POU6F2: variants seen among roughly 807,000 people sequenced by gnomAD.
POU6F2 encodes POU domain, class 6, transcription factor 2.
POU6F2 carries 31 observed loss-of-function variants against 71.3 expected under a neutral mutation model. The observed-to-expected ratio is 0.43, with a 90% confidence interval of 0.33 to 0.59. The LOEUF is 0.59. Ranked by LOEUF, POU6F2 falls within the 20% of genes least tolerant of loss-of-function variation. The pLI is 0.04. For missense variants in POU6F2, 783 were observed against 856.8 expected (o/e 0.91, Z 1.07); for synonymous variants, 347 against 355.7 (o/e 0.98, Z 0.27).
chr7:39,155,585 C>T (rs1193188316), intron 2 of POU6F2, among the ~76,000 whole-genome samples: 2 of 152,154 alleles, frequency 1.3e-5, no homozygotes, highest in Non-Finnish European at 2.9e-5. Flanking sequence ...AGCAAATCTA[C>T]ATCAAATGTA....
At chr7:39,442,810 A>G (rs1788435543) in intron 7 of POU6F2, among the ~76,000 whole-genome samples, 1 of 152,206 alleles carries the variant, frequency 6.6e-6, no homozygotes, top group South Asian at 2.1e-4. Context: ...ATTGCCAAAA[A>G]GGTGATGAAT....
chr7:38,994,570 G>T (rs933123257), intron 1 of POU6F2, among the ~76,000 whole-genome samples: 13 of 152,152 alleles, frequency 8.5e-5, no homozygotes, highest in Non-Finnish European at 1.6e-4. Flanking sequence ...CCCGTGACAG[G>T]GTTGGTGAGC....
At chr7:38,995,838 A>T (rs1235799994) in intron 1 of POU6F2, among the ~76,000 whole-genome samples, 1 of 152,106 alleles carries the variant, frequency 6.6e-6, no homozygotes, top group Non-Finnish European at 1.5e-5. Flanking sequence ...ACAGTGCTTG[A>T]CTCACAGAAA....
chr7:39,112,220 A>G (rs1407987062), intron 2 of POU6F2, among the ~76,000 whole-genome samples: 1 of 152,106 alleles, frequency 6.6e-6, no homozygotes, highest in Non-Finnish European at 1.5e-5. Context: ...TTGGTTCAGA[A>G]ATTTAAGGAC....
intron 4 of POU6F2, among the ~76,000 whole-genome samples, chr7:39,294,478 T>C (rs1217350109): frequency 6.6e-6 from 1 of 151,746 alleles, no homozygotes; most frequent in Non-Finnish European, 1.5e-5. Context: ...AACATGCTAC[T>C]GTTTCCTCTG....
chr7:39,320,892 C>A (rs192573395), intron 4 of POU6F2, among the ~76,000 whole-genome samples: 137 of 151,948 alleles, frequency 9.0e-4, no homozygotes, highest in Non-Finnish European at 1.5e-3. Context: ...CCATCTCAAC[C>A]AAAAATTTAA....
intron 2 of POU6F2, among the ~76,000 whole-genome samples, chr7:39,108,234 T>G (rs1562709014): frequency 6.6e-6 from 1 of 152,062 alleles, no homozygotes; most frequent in Non-Finnish European, 1.5e-5. Context: ...ATGCAGTTGT[T>G]GGGAGGAGGG....
At chr7:39,412,021 C>T (rs956556806) in intron 6 of POU6F2, among the ~76,000 whole-genome samples, 4 of 152,184 alleles carry the variant, frequency 2.6e-5, no homozygotes, top group African/African-American at 9.7e-5. Flanking sequence ...AGACAAATAA[C>T]ATCTCCAGAG....
rs1175447526 is a variant in POU6F2, at chr7:39,240,559, A to G, written c.598+32939A>G. 1.2e-4 allele frequency among the ~76,000 whole-genome samples: 19 copies of G among 152,144 alleles called. 1 individual carries two copies. Among genetic ancestry groups the G allele is most frequent in the Admixed American group, 1.2e-3 (19 of 15,254 alleles). ...TACCAATCAACTCAAACTCCTGCAT[A>G]AGACCGGAGGAATCTACAGAATGAG... On this transcript the variant is annotated intron_variant, in intron 4 of 9. Transcript: ENST00000518318.
intron 5 of POU6F2, among the ~76,000 whole-genome samples, chr7:39,370,781 A>G (rs772571745): frequency 2.6e-5 from 4 of 152,202 alleles, no homozygotes; most frequent in Non-Finnish European, 4.4e-5. Context: ...GACCTTTCCC[A>G]AGCAAAAGGG....
Position 39,013,136 on chromosome 7 carries a change from G to A in POU6F2, c.105+35078G>A, listed in dbSNP as rs1267767914. On this transcript the variant is annotated intron_variant, in intron 1 of 9. Coordinates refer to ENST00000518318, the MANE Select transcript of POU6F2 (RefSeq NM_001370959.1). ...GCGCCCCTCCCCCAGCCTCGCTGCC[G>A]CCTTGCAGTTTGATCTCAGACTGCT... 119 of 154,856 alleles carry A rather than the reference G, an allele frequency of 7.7e-4. No homozygotes were observed. The Middle Eastern group carries it at 0.012, about 16-fold the overall frequency. 9.6% of individuals were successfully genotyped at this position (154,856 alleles called of 1,614,324 possible).
chr7:39,427,532 C>A (rs1242778816), intron 6 of POU6F2, among the ~76,000 whole-genome samples: 2 of 152,112 alleles, frequency 1.3e-5, no homozygotes, highest in South Asian at 2.1e-4. Flanking sequence ...TTTTAAGGAT[C>A]CTGACACCTC....
chr7:39,433,042 C>CT, intron 6 of POU6F2, 35 bp from the exon 7 acceptor site: 2 of 1,609,268 alleles, frequency 1.2e-6, no homozygotes, highest in Non-Finnish European at 1.7e-6. Context: ...GACCCTTCAC[C>CT]GAGCCAGCTC....
chr7:39,333,767 C>T (rs1030034447), intron 4 of POU6F2, among the ~76,000 whole-genome samples: 1 of 152,072 alleles, frequency 6.6e-6, no homozygotes, highest in African/African-American at 2.4e-5. Flanking sequence ...TAAAAATAGT[C>T]TCAGTGTTGG....
chr7:39,448,551 A>G (rs1422678102), intron 7 of POU6F2, among the ~76,000 whole-genome samples: 1 of 152,230 alleles, frequency 6.6e-6, no homozygotes, highest in Non-Finnish European at 1.5e-5. Context: ...CTGTATGGAC[A>G]TGGAACAAGT....
chr7:39,282,079 T>G (rs528554689), intron 4 of POU6F2, among the ~76,000 whole-genome samples: 13 of 152,238 alleles, frequency 8.5e-5, no homozygotes, highest in African/African-American at 2.6e-4. Flanking sequence ...GGTTGGCCAT[T>G]TGTATGTCTT....
At chr7:39,431,958 T>C (rs1359524793) in intron 6 of POU6F2, among the ~76,000 whole-genome samples, 1 of 152,214 alleles carries the variant, frequency 6.6e-6, no homozygotes, top group African/African-American at 2.4e-5. Flanking sequence ...TCCTACCGTG[T>C]GTGGAGGCAG....
intron 2 of POU6F2, among the ~76,000 whole-genome samples, chr7:39,123,472 G>A (rs1201298909): frequency 6.6e-6 from 1 of 152,176 alleles, no homozygotes; most frequent in African/African-American, 2.4e-5. Flanking sequence ...ATTTTCTTTG[G>A]TTTGTGCCTG....
chr7:39,225,204 C>G (rs1426938814), intron 4 of POU6F2, among the ~76,000 whole-genome samples: 1 of 152,024 alleles, frequency 6.6e-6, no homozygotes, highest in Admixed American at 6.6e-5. Context: ...GACAGTGTCT[C>G]ACTCTGTCAA....
Sources: allele counts gnomAD v4.1 joint callset (sites outside exome capture counted in the v4.1 genomes callset), GRCh38; gene constraint gnomAD v4.1.1; transcripts MANE v1.5; gene names NCBI Gene and HGNC (gene_info 2026-07-23, HGNC 2026-07-21).